PRKAG2: variants seen among roughly 807,000 people sequenced by gnomAD.
PRKAG2 encodes the protein protein kinase AMP-activated non-catalytic subunit gamma 2, also known as 5'-AMP-activated protein kinase subunit gamma-2.
A neutral mutation model predicts 69.6 loss-of-function variants in PRKAG2; 26 were observed. The observed-to-expected ratio is 0.37, with a 90% CI of 0.27 to 0.52. The LOEUF (loss-of-function observed/expected upper bound fraction) is 0.52, where lower values mean the gene tolerates loss of function less well. Ranked by LOEUF, PRKAG2 falls within the 20% of genes least tolerant of loss-of-function variation. The probability of loss-of-function intolerance (pLI) is 0.90; values close to 1 mark genes in which losing one functional copy is unlikely to be tolerated. For synonymous variants in PRKAG2, 293 were observed against 285.0 expected (o/e 1.03, Z -0.28); for missense variants, 557 against 740.0 (o/e 0.75, Z 2.87).
chr7:151,593,364 T>G (rs1057186870), intron 6 of PRKAG2, among the ~76,000 whole-genome samples: 1 of 152,158 alleles, frequency 6.6e-6, no homozygotes, highest in Non-Finnish European at 1.5e-5. Context: ...ATTTTAATTT[T>G]TGTATTCTTA....
At chr7:151,576,330 A>G (rs747424962) in intron 7 of PRKAG2, 41 bp downstream of exon 7, 9 of 1,486,910 alleles carry the variant, frequency 6.1e-6, no homozygotes, top group Non-Finnish European at 8.4e-6. Flanking sequence ...TCTGCTTTCA[A>G]GGTTTCCATT....
chr7:151,643,386 C>T (rs1416153956), intron 4 of PRKAG2, among the ~76,000 whole-genome samples: 1 of 152,190 alleles, frequency 6.6e-6, no homozygotes, highest in Non-Finnish European at 1.5e-5. Flanking sequence ...CTATTCTCTG[C>T]TCCCTCCCCT....
chr7:151,558,446 G>GT, intron 15 of PRKAG2: 1 of 985,292 alleles, frequency 1.0e-6, no homozygotes, highest in Non-Finnish European at 1.2e-6. Flanking sequence ...AGACGGGCCT[G>GT]TATCAGCCGG....
Position 151,576,442 on chromosome 7 carries a change from G to A in PRKAG2, c.875C>T (p.Ala292Val). ...VFDTTLQVKK[A>V]FFALVANGVR... ...ACCGTTGGCTACCAAAGCAAAGAAG[G>A]CCTTTTTAACCTGAAGAAAAAGAGG... Residue 292 changes from alanine (A) to valine (V), a missense_variant, in exon 7 of 16, where the codon GCC (alanine) becomes GTC (valine). Physicochemically the swap from Ala to Val is moderately conservative, Grantham distance 64. Around this residue, in one of 2 missense-constraint regions of PRKAG2, gnomAD observed 205 missense variants for 383.4 expected, o/e 0.53. Transcript: ENST00000287878. 6.2e-7 allele frequency: 1 copy of A among 1,603,292 alleles called. No individual in the cohort carries two copies.
intron 1 of PRKAG2, among the ~76,000 whole-genome samples, chr7:151,825,715 C>T (rs920849954): frequency 1.3e-5 from 2 of 152,214 alleles, no homozygotes; most frequent in African/African-American, 4.8e-5. Context: ...TCTCCTTTCA[C>T]GTCCCATCCC....
intron 1 of PRKAG2, 126 bp downstream of exon 1, chr7:151,876,380 CA>C: frequency 2.1e-6 from 2 of 955,926 alleles, no homozygotes; most frequent in Non-Finnish European, 3.3e-6. Flanking sequence ...ACCCTTTCCC[CA>C]AGCCGCCCGA....
chr7:151,845,915 C>CACACAGTGTGTATGGTCCCGGA (rs1278858327), intron 1 of PRKAG2, among the ~76,000 whole-genome samples: 1 of 152,206 alleles, frequency 6.6e-6, no homozygotes, highest in African/African-American at 2.4e-5. Flanking sequence ...GATTTTCACA[C>CACACAGTGTGTATGGTCCCGGA]ACACAGTGTG....
At chr7:151,869,316 T>C (rs758668507) in intron 1 of PRKAG2, among the ~76,000 whole-genome samples, 5 of 152,138 alleles carry the variant, frequency 3.3e-5, no homozygotes. Flanking sequence ...AGAGCCTCGT[T>C]TATATAAGAA....
At chr7:151,809,354 T>G (rs989147939) in intron 1 of PRKAG2, 1 of 427,570 alleles carries the variant, frequency 2.3e-6, no homozygotes, top group African/African-American at 2.0e-5. Flanking sequence ...CCACGGCAGG[T>G]GTCGGAGTGG....
At chr7:151,815,621 G>A (rs891691519) in intron 1 of PRKAG2, among the ~76,000 whole-genome samples, 3 of 152,192 alleles carry the variant, frequency 2.0e-5, no homozygotes, top group African/African-American at 7.2e-5. Context: ...ACGTGGCAGT[G>A]GTGTGCCTAG....
intron 3 of PRKAG2, among the ~76,000 whole-genome samples, chr7:151,723,604 GC>G (rs1023016002): frequency 6.3e-4 from 96 of 152,246 alleles, no homozygotes; most frequent in African/African-American, 2.2e-3. Context: ...TTTCCACTTG[GC>G]CCCTGCCATG....
intron 1 of PRKAG2, among the ~76,000 whole-genome samples, chr7:151,862,196 G>GT (rs113201589): frequency 0.49 from 73,816 of 151,952 alleles, 18,465 homozygotes; most frequent in East Asian, 0.57. Flanking sequence ...ACAGGATGCT[G>GT]TACTAGTCAA....
At position 151,850,728 on chromosome 7, in the gene PRKAG2, T is replaced by C. The variant is rs192424441; in HGVS notation, c.114+25779A>G. Reference sequence around the variant, plus strand: ...CACCGGCTTCTGCCAGAGGGAGGAGTCAGAGGTGAGAGTCTGGTGCTCTGA... The same window carrying C: ...CACCGGCTTCTGCCAGAGGGAGGAGCCAGAGGTGAGAGTCTGGTGCTCTGA... On this transcript the variant is annotated intron_variant, in intron 1 of 15. Transcript: ENST00000287878. This position sits in a 1 kb window ranked among gnomAD's most constrained non-coding sequence, Gnocchi z 4.1. 3.2e-3 allele frequency among the ~76,000 whole-genome samples: 482 copies of C among 151,882 alleles called. 1 individual carries two copies. Among genetic ancestry groups the C allele is most frequent in the Non-Finnish European group, 5.2e-3 (351 of 67,932 alleles).
intron 1 of PRKAG2, among the ~76,000 whole-genome samples, chr7:151,832,598 G>GC (rs1554614855): frequency 2.0e-5 from 3 of 151,454 alleles, no homozygotes; most frequent in Non-Finnish European, 4.4e-5. Context: ...GCATCTCTGG[G>GC]GGGGGGGTCC....
chr7:151,778,014 T>C (rs1053835571), intron 3 of PRKAG2, among the ~76,000 whole-genome samples: 2 of 152,048 alleles, frequency 1.3e-5, no homozygotes, highest in African/African-American at 4.8e-5. Flanking sequence ...GATTGGTCTT[T>C]TGAGATAATT....
intron 6 of PRKAG2, among the ~76,000 whole-genome samples, chr7:151,577,549 C>CAA (rs1809269845): frequency 6.6e-6 from 1 of 152,094 alleles, no homozygotes; most frequent in Non-Finnish European, 1.5e-5. Context: ...CTGGTGGCAC[C>CAA]AAACACTGAG....
chr7:151,789,100 C>T (rs960614223), intron 1 of PRKAG2, among the ~76,000 whole-genome samples: 1 of 151,992 alleles, frequency 6.6e-6, no homozygotes, highest in African/African-American at 2.4e-5. Context: ...CAACTTTGTT[C>T]TTCTTTTTTT....
At chr7:151,612,019 TG>T (rs1218434756) in intron 5 of PRKAG2, among the ~76,000 whole-genome samples, 4 of 152,134 alleles carry the variant, frequency 2.6e-5, no homozygotes, top group Non-Finnish European at 5.9e-5. Context: ...CACTCCAGCC[TG>T]GACGACACAG....
Position 151,661,073 on chromosome 7 carries a change from G to GA in PRKAG2, c.684+14346dup, listed in dbSNP as rs113840672. 6.5e-4 allele frequency among the ~76,000 whole-genome samples: 99 copies of GA among 152,320 alleles called. 1 individual carries two copies. Among genetic ancestry groups the GA allele is most frequent in the African/African-American group, 2.2e-3 (91 of 41,582 alleles). On this transcript the variant is annotated intron_variant, in intron 4 of 15. Coordinates refer to ENST00000287878, the MANE Select transcript of PRKAG2 (RefSeq NM_016203.4). ...ATACTTCTCCAGATGTATGTGTTTT[G>GA]AAAAATCAAATGCAAAGTAAGTAAT...
Sources: gnomAD v4.1 joint callset for allele counts (sites outside exome capture counted in the v4.1 genomes callset) on GRCh38, gnomAD v4.1.1 for gene constraint, gnomAD v4.1.1 regional missense constraint, Gnocchi (gnomAD v3.1) non-coding constraint, MANE v1.5 for transcripts, NCBI Gene and HGNC (gene_info 2026-07-23, HGNC 2026-07-21) for gene names.